The following PDE4D variants were observed in gnomAD, a reference collection of about 807,000 sequenced individuals.
The protein encoded by PDE4D is 3',5'-cyclic-AMP phosphodiesterase 4D.
A neutral mutation model predicts 87.4 loss-of-function variants in PDE4D; 24 were observed. The ratio of observed to expected loss-of-function variants is 0.27; its 90% confidence interval spans 0.20 to 0.39. PDE4D has a LOEUF of 0.39. PDE4D is among the 10% of genes least tolerant of loss of function. The pLI is 1.00. For synonymous variants in PDE4D, 384 were observed against 383.2 expected (o/e 1.00, Z -0.02); for missense variants, 714 against 1,041.0 (o/e 0.69, Z 4.32).
intron 3 of PDE4D, among the ~76,000 whole-genome samples, chr5:59,971,719 TAA>T (rs1046630435): frequency 6.6e-6 from 1 of 152,154 alleles, no homozygotes; most frequent in African/African-American, 2.4e-5. Context: ...TGCATTAAAA[TAA>T]AATTCAATCT....
At chr5:59,555,717 T>C (rs1230926457) in intron 1 of PDE4D, among the ~76,000 whole-genome samples, 1 of 152,110 alleles carries the variant, frequency 6.6e-6, no homozygotes, top group African/African-American at 2.4e-5. Flanking sequence ...TTCAACCCTT[T>C]AGGGACTCAA....
chr5:60,068,776 AT>A (rs1487412422), intron 2 of PDE4D, among the ~76,000 whole-genome samples: 2 of 151,808 alleles, frequency 1.3e-5, no homozygotes, highest in Non-Finnish European at 2.9e-5. Context: ...TTTTTCTTTA[AT>A]TTTTTGTAGA....
intron 4 of PDE4D, among the ~76,000 whole-genome samples, chr5:59,182,177 C>G (rs1741779406): frequency 6.6e-6 from 1 of 151,920 alleles, no homozygotes; most frequent in Non-Finnish European, 1.5e-5. Flanking sequence ...ACTCGATAAA[C>G]CAAAATATTA....
chr5:59,530,116 A>G (rs1179508649), intron 1 of PDE4D, among the ~76,000 whole-genome samples: 3 of 152,226 alleles, frequency 2.0e-5, no homozygotes, highest in Non-Finnish European at 4.4e-5. Flanking sequence ...TAGCAAGGTA[A>G]GGCGTATTTC....
At chr5:59,853,619 A>G (rs1744997039) in intron 1 of PDE4D, among the ~76,000 whole-genome samples, 1 of 152,046 alleles carries the variant, frequency 6.6e-6, no homozygotes, top group Non-Finnish European at 1.5e-5. Context: ...AGCTATATCT[A>G]AGTGCCACTT....
At chr5:60,042,311 A>G (rs989411771) in intron 2 of PDE4D, among the ~76,000 whole-genome samples, 10 of 152,158 alleles carry the variant, frequency 6.6e-5, no homozygotes, top group African/African-American at 2.2e-4. Flanking sequence ...GGGCTTATAG[A>G]TAAAATTCCC....
rs1052021528 is a variant in PDE4D at position 59,341,605 on chromosome 5, G to T, written c.456-125637C>A. On this transcript the variant is annotated intron_variant, in intron 1 of 14. Transcript: ENST00000340635. ...GAGACATCCAATTTTCTTGGCAAAGGTATGTATGTATATATAATGCGTATG... is the reference window on the plus strand; with the variant it reads ...GAGACATCCAATTTTCTTGGCAAAGTTATGTATGTATATATAATGCGTATG... 2.0e-5 allele frequency among the ~76,000 whole-genome samples: 3 copies of T among 152,090 alleles called. No homozygotes were observed. The South Asian group carries it at 6.2e-4, about 32-fold the overall frequency.
intron 2 of PDE4D, among the ~76,000 whole-genome samples, chr5:59,197,402 C>G (rs895941820): frequency 6.6e-6 from 1 of 152,124 alleles, no homozygotes; most frequent in Admixed American, 6.5e-5. Context: ...TCAAGATGGT[C>G]TCATTTTAGT....
chr5:59,899,552 T>C (rs763753812), intron 3 of PDE4D, among the ~76,000 whole-genome samples: 32 of 152,042 alleles, frequency 2.1e-4, no homozygotes, highest in Non-Finnish European at 4.3e-4. Context: ...CCATTTCTTT[T>C]AATTAGAGAA....
At chr5:59,295,060 G>C (rs951107925) in intron 1 of PDE4D, among the ~76,000 whole-genome samples, 2 of 152,088 alleles carry the variant, frequency 1.3e-5, no homozygotes, top group Non-Finnish European at 2.9e-5. Flanking sequence ...ATTAAGCAAA[G>C]GCTACAAAAT....
intron 1 of PDE4D, among the ~76,000 whole-genome samples, chr5:59,627,334 A>T (rs986498133): frequency 5.3e-5 from 8 of 152,240 alleles, no homozygotes; most frequent in African/African-American, 1.9e-4. Context: ...CACTGTTCAA[A>T]GATTAAAATG....
intron 1 of PDE4D, among the ~76,000 whole-genome samples, chr5:59,296,640 C>T (rs994162505): frequency 1.3e-5 from 2 of 152,032 alleles, no homozygotes; most frequent in African/African-American, 4.8e-5. Context: ...ACAACTTATT[C>T]CTTATTTTGC....
At chr5:59,639,812 A>AGTGTGTGTGTGTGT (rs70975323) in intron 1 of PDE4D, among the ~76,000 whole-genome samples, 2 of 143,622 alleles carry the variant, frequency 1.4e-5, no homozygotes, top group African/African-American at 5.3e-5. Context: ...TAGTGTCTAT[A>AGTGTGTGTGTGTGT]GTGTGTGTGT....
chr5:59,038,319 T>C (rs1470341042), intron 6 of PDE4D, among the ~76,000 whole-genome samples: 1 of 152,162 alleles, frequency 6.6e-6, no homozygotes, highest in African/African-American at 2.4e-5. Flanking sequence ...GAAACAAAAG[T>C]AATGATCATA....
intron 5 of PDE4D, among the ~76,000 whole-genome samples, chr5:59,066,919 C>A (rs993002093): frequency 5.9e-5 from 9 of 152,006 alleles, no homozygotes; most frequent in Non-Finnish European, 7.4e-5. Context: ...CGTGCCTTGA[C>A]CTTGGACATT....
chr5:59,593,087 T>C (rs1826137084), intron 1 of PDE4D, among the ~76,000 whole-genome samples: 1 of 151,826 alleles, frequency 6.6e-6, no homozygotes, highest in Admixed American at 6.6e-5. Context: ...TGCAATTTAC[T>C]GGAATCAAAA....
At chr5:60,296,797 T>C (rs1462251436) in intron 1 of PDE4D, among the ~76,000 whole-genome samples, 1 of 152,158 alleles carries the variant, frequency 6.6e-6, no homozygotes, top group East Asian at 1.9e-4. Flanking sequence ...TGCAGGGACA[T>C]GGATGAAGCT....
At chr5:59,238,547 C>T (rs767475148) in intron 1 of PDE4D, among the ~76,000 whole-genome samples, 6 of 152,178 alleles carry the variant, frequency 3.9e-5, no homozygotes, top group Admixed American at 6.5e-5. Context: ...CCGTGGATTA[C>T]TATCTTTGAT....
chr5:60,224,296 C>T (rs1276674589), intron 1 of PDE4D, among the ~76,000 whole-genome samples: 1 of 152,032 alleles, frequency 6.6e-6, no homozygotes, highest in Non-Finnish European at 1.5e-5. Flanking sequence ...TATTGCAGCC[C>T]TCTTCTAAGA....
Sources: gnomAD v4.1 joint callset for allele counts (sites outside exome capture counted in the v4.1 genomes callset) on GRCh38, gnomAD v4.1.1 for gene constraint, MANE v1.5 for transcripts, NCBI Gene and HGNC (gene_info 2026-07-23, HGNC 2026-07-21) for gene names.